Variants in CALN1 observed in about 807,000 individuals in gnomAD.
CALN1 encodes calcium-binding protein 8.
In CALN1, 17 loss-of-function variants were observed where a neutral mutation model predicts 30.6. The observed-to-expected ratio is 0.56, with a 90% confidence interval of 0.38 to 0.83. The LOEUF (loss-of-function observed/expected upper bound fraction) is 0.83. CALN1 is among the 40% of genes least tolerant of loss of function. The probability of loss-of-function intolerance (pLI) is 0.00; values close to 1 mark genes in which losing one functional copy is unlikely to be tolerated. For missense variants in CALN1, 291 were observed against 354.9 expected, an observed-to-expected ratio of 0.82 and a Z score of 1.45; for synonymous variants, 156 against 131.4, an observed-to-expected ratio of 1.19 and a Z score of -1.28.
chr7:72,217,730 T>C (rs1035701742), intron 3 of CALN1, among the ~76,000 whole-genome samples: 1 of 151,436 alleles, frequency 6.6e-6, no homozygotes, highest in Non-Finnish European at 1.5e-5. Flanking sequence ...ATAATCCTAA[T>C]GCTATGGGAG....
intron 2 of CALN1, among the ~76,000 whole-genome samples, chr7:72,307,755 C>G (rs908757760): frequency 6.6e-6 from 1 of 152,054 alleles, no homozygotes; most frequent in Non-Finnish European, 1.5e-5. Context: ...AGAGAGCAGC[C>G]GGCAACAGGG....
At chr7:72,234,183 A>G (rs1043617464) in intron 3 of CALN1, among the ~76,000 whole-genome samples, 1 of 152,162 alleles carries the variant, frequency 6.6e-6, no homozygotes, top group African/African-American at 2.4e-5. Context: ...TTTGCAGGTA[A>G]TTACAAGGTA....
intron 2 of CALN1, among the ~76,000 whole-genome samples, chr7:72,325,911 C>CTT (rs900865634): frequency 3.3e-5 from 5 of 151,918 alleles, no homozygotes; most frequent in African/African-American, 1.2e-4. Context: ...TTTTGGTGGG[C>CTT]TTTTTTAGAA....
rs888971733 is a variant in CALN1, at chr7:71,783,408, G to C, written c.*4367C>G. 1 of 152,204 alleles carries C rather than the reference G, an allele frequency of 6.6e-6. No homozygotes were observed. Among genetic ancestry groups the C allele is most frequent in the Non-Finnish European group, 1.5e-5 (1 of 68,042 alleles). 9.4% of individuals were successfully genotyped at this position (152,204 alleles called of 1,614,324 possible). On this transcript the variant is annotated 3_prime_UTR_variant, in exon 7 of 7. Coordinates refer to ENST00000395275, the MANE Select transcript of CALN1 (RefSeq NM_031468.4). Reference sequence around the variant, plus strand: ...TTGGTGAAATGGTAAAAAATGTAATGACTATGGGCCTTTGGAGAAATAGTG... The same window carrying C: ...TTGGTGAAATGGTAAAAAATGTAATCACTATGGGCCTTTGGAGAAATAGTG...
chr7:72,322,674 G>A (rs998771263), intron 2 of CALN1, among the ~76,000 whole-genome samples: 3 of 151,952 alleles, frequency 2.0e-5, no homozygotes, highest in Non-Finnish European at 4.4e-5. Flanking sequence ...AAGGGTAGTG[G>A]GGGAATGTGG....
chr7:72,184,299 C>A (rs34310286), intron 3 of CALN1, among the ~76,000 whole-genome samples: 3,958 of 152,336 alleles, frequency 0.026, 182 homozygotes, highest in African/African-American at 0.09. Context: ...CCCTTACTAC[C>A]TCTGTGGCCT....
intron 3 of CALN1, among the ~76,000 whole-genome samples, chr7:72,260,311 C>T (rs1403927757): frequency 1.3e-5 from 2 of 152,170 alleles, no homozygotes; most frequent in African/African-American, 4.8e-5. Context: ...TTGTTGAACT[C>T]CTTTGACAAA....
intron 3 of CALN1, among the ~76,000 whole-genome samples, chr7:72,223,292 T>C (rs1057499379): frequency 6.6e-5 from 10 of 152,224 alleles, no homozygotes; most frequent in South Asian, 2.1e-4. Context: ...CCAGGAGAAT[T>C]AAAGTCTGAA....
intron 5 of CALN1, among the ~76,000 whole-genome samples, chr7:71,874,607 C>G (rs1013894813): frequency 6.6e-6 from 1 of 152,148 alleles, no homozygotes; most frequent in Non-Finnish European, 1.5e-5. Context: ...CCAGCCACTA[C>G]AGTAATTGGG....
the CALN1 span, among the ~76,000 whole-genome samples, chr7:72,475,991 C>T: frequency 2.1e-5 from 3 of 143,988 alleles, no homozygotes; most frequent in African/African-American, 7.9e-5. Flanking sequence ...CCCTGTCACC[C>T]AGGCTGGAGT....
At position 72,123,467 on chromosome 7, in the gene CALN1, G is replaced by T. The variant is rs548479858; in HGVS notation, c.245-17173C>A. ...TTGTCCTTCCTGTCATCATGGGCAAGGGCACGCGTAAACACCGCGCCATGT... is the reference window on the plus strand; with the variant it reads ...TTGTCCTTCCTGTCATCATGGGCAATGGCACGCGTAAACACCGCGCCATGT... On this transcript the variant is annotated intron_variant, in intron 3 of 6. Transcript: ENST00000395275. Among the ~76,000 whole-genome samples, 7 of 152,300 alleles carry T rather than the reference G, an allele frequency of 4.6e-5. No individual in the cohort carries two copies. The East Asian group carries it at 1.3e-3, about 29-fold the overall frequency.
intron 5 of CALN1, among the ~76,000 whole-genome samples, chr7:71,849,470 T>A (rs1398345672): frequency 6.7e-6 from 1 of 148,280 alleles, no homozygotes; most frequent in African/African-American, 2.5e-5. Context: ...TATTTTAGGA[T>A]CAATTTAGCG....
chr7:72,157,351 C>T (rs1213604096), intron 3 of CALN1, among the ~76,000 whole-genome samples: 2 of 152,104 alleles, frequency 1.3e-5, no homozygotes, highest in Non-Finnish European at 2.9e-5. Context: ...TGGCTCACAC[C>T]TGTAATCCCA....
intron 2 of CALN1, among the ~76,000 whole-genome samples, chr7:72,357,838 TTATATA>T (rs906696503): frequency 2.0e-5 from 3 of 146,602 alleles, no homozygotes; most frequent in African/African-American, 5.0e-5. Flanking sequence ...TTTTATATAT[TTATATA>T]TATTTATATT....
At chr7:72,324,432 C>T (rs886771867) in intron 2 of CALN1, among the ~76,000 whole-genome samples, 1 of 151,970 alleles carries the variant, frequency 6.6e-6, no homozygotes, top group Non-Finnish European at 1.5e-5. Context: ...CCAATCATAC[C>T]TGCCTCTTGC....
chr7:72,271,770 A>G (rs1797011431), intron 3 of CALN1, among the ~76,000 whole-genome samples: 1 of 151,356 alleles, frequency 6.6e-6, no homozygotes, highest in South Asian at 2.1e-4. Context: ...ATAAACATTA[A>G]AAGTCATCTA....
At chr7:71,794,060 T>TA (rs2115939971) in intron 6 of CALN1, among the ~76,000 whole-genome samples, 1 of 152,226 alleles carries the variant, frequency 6.6e-6, no homozygotes, top group African/African-American at 2.4e-5. Context: ...GCTTTTTTTT[T>TA]ATGTGCAGAG....
In CALN1 at chr7:72,393,320, C is replaced by T. The variant is rs187253256; in HGVS notation, c.119+9931G>A. The stretch of plus-strand genomic sequence containing the variant: ...TCTACTAAAAATACAAGAAATTAGC[C>T]GGGCATGGTGGCGGGCACCTGTAGT... On this transcript the variant is annotated intron_variant, in intron 2 of 6. Coordinates refer to ENST00000395275, the MANE Select transcript of CALN1 (RefSeq NM_031468.4). 4.2e-3 allele frequency among the ~76,000 whole-genome samples: 644 copies of T among 152,032 alleles called. 5 individuals carry two copies. Among genetic ancestry groups the T allele is most frequent in the Non-Finnish European group, 6.9e-3 (468 of 67,976 alleles).
chr7:72,146,765 AC>A (rs905179171), intron 3 of CALN1, among the ~76,000 whole-genome samples: 1 of 152,226 alleles, frequency 6.6e-6, no homozygotes, highest in African/African-American at 2.4e-5. Context: ...TGGTACCAAA[AC>A]AAAGCTATAG....
Sources: gnomAD v4.1 joint callset for allele counts (sites outside exome capture counted in the v4.1 genomes callset) on GRCh38, gnomAD v4.1.1 for gene constraint, MANE v1.5 for transcripts, NCBI Gene and HGNC (gene_info 2026-07-23, HGNC 2026-07-21) for gene names.